The following RIMS3 variants were observed in gnomAD, a reference collection of about 807,000 sequenced individuals.
RIMS3 encodes the protein regulating synaptic membrane exocytosis 3, also known as regulating synaptic membrane exocytosis protein 3.
RIMS3 carries 15 observed loss-of-function variants against 29.2 expected under a neutral mutation model. That is an observed-to-expected ratio of 0.51 (90% confidence interval 0.34 to 0.79). The LOEUF is 0.79. RIMS3 is among the 30% of genes least tolerant of loss of function. The pLI is 0.01. For synonymous variants in RIMS3, 161 were observed against 170.1 expected (o/e 0.95, Z 0.41); for missense variants, 342 against 421.4 (o/e 0.81, Z 1.65).
upstream of RIMS3, among the ~76,000 whole-genome samples, chr1:40,669,825 T>G (rs1489283902): frequency 6.6e-6 from 1 of 152,208 alleles, no homozygotes; most frequent in Non-Finnish European, 1.5e-5. Flanking sequence ...GACAGCCTGC[T>G]CTGCCAACCC....
intron 1 of RIMS3, among the ~76,000 whole-genome samples, chr1:40,652,142 G>A (rs1646635881): frequency 6.6e-6 from 1 of 152,156 alleles, no homozygotes; most frequent in Non-Finnish European, 1.5e-5. Flanking sequence ...GATGTGGCTA[G>A]ATGTGGCACC....
the RIMS3 span, among the ~76,000 whole-genome samples, chr1:40,677,577 AGTCCCAGCTACT>A: frequency 2.0e-5 from 3 of 152,040 alleles, no homozygotes; most frequent in Non-Finnish European, 4.4e-5. Context: ...GGGCGCCCGT[AGTCCCAGCTACT>A]TGGGAGGCTG....
chr1:40,647,222 G>T (rs1646601964), intron 2 of RIMS3, among the ~76,000 whole-genome samples: 1 of 152,116 alleles, frequency 6.6e-6, no homozygotes, highest in African/African-American at 2.4e-5. Context: ...AAAAGCTCAA[G>T]ATGAACCTAG....
At chr1:40,663,836 C>A (rs1453547765) in intron 1 of RIMS3, among the ~76,000 whole-genome samples, 1 of 152,190 alleles carries the variant, frequency 6.6e-6, no homozygotes, top group Non-Finnish European at 1.5e-5. Context: ...GTACTTGGCA[C>A]AGGGGTTGCT....
At chr1:40,680,080 A>G in the RIMS3 span, among the ~76,000 whole-genome samples, 1 of 151,962 alleles carries the variant, frequency 6.6e-6, no homozygotes, top group Admixed American at 6.6e-5. Context: ...GGATCACTTG[A>G]GCCCAGGAGT....
At chr1:40,674,667 C>T in the RIMS3 span, among the ~76,000 whole-genome samples, 1 of 152,092 alleles carries the variant, frequency 6.6e-6, no homozygotes, top group African/African-American at 2.4e-5. Context: ...AGGATGCATT[C>T]AACCCCATTT....
At chr1:40,677,124 G>T in the RIMS3 span, among the ~76,000 whole-genome samples, 1 of 151,462 alleles carries the variant, frequency 6.6e-6, no homozygotes, top group Non-Finnish European at 1.5e-5. Flanking sequence ...TCAACAACCT[G>T]AATAGCTGGG....
At position 40,628,836 on chromosome 1, in the gene RIMS3, C is replaced by T. The variant is rs756093839; in HGVS notation, c.688G>A (p.Glu230Lys). 19 of 1,614,040 alleles carry T rather than the reference C, an allele frequency of 1.2e-5. No individual in the cohort carries two copies. The highest frequency in any genetic ancestry group is 1.7e-5 in the Admixed American group (1 of 60,002). Residue 230 changes from glutamate to lysine, a missense_variant, in exon 7 of 8, where the codon GAG becomes AAG. Physicochemically the swap from Glu to Lys is moderately conservative, Grantham distance 56. Transcript: ENST00000372684. ...PLYQQALLFD[E>K]GPQGKVLQVI... ...TGCAGCACCTTGCCCTGGGGTCCCT[C>T]GTCAAAGAGCAGAGCCTGCTGGTAC...
chr1:40,679,085 A>G, the RIMS3 span, among the ~76,000 whole-genome samples: 1 of 152,208 alleles, frequency 6.6e-6, no homozygotes. Flanking sequence ...TGCTTTTGCA[A>G]TTATGCTAAC....
At chr1:40,626,780 C>T (rs1194900178) in intron 7 of RIMS3, 51 bp from the exon 8 acceptor site, 1 of 1,565,554 alleles carries the variant, frequency 6.4e-7, no homozygotes, top group South Asian at 1.1e-5. Context: ...GACTCCAGGA[C>T]TGTGCAGCAG....
the RIMS3 span, chr1:40,690,594 T>C: frequency 9.2e-5 from 14 of 152,382 alleles, no homozygotes; most frequent in African/African-American, 3.4e-4. Flanking sequence ...TTAGGTTTTG[T>C]TCATTCATTC....
chr1:40,638,319 A>G (rs1046984382), intron 3 of RIMS3, among the ~76,000 whole-genome samples: 3 of 152,214 alleles, frequency 2.0e-5, no homozygotes, highest in Non-Finnish European at 4.4e-5. Flanking sequence ...AAGCTCTTGC[A>G]ATCTCAGAGA....
chr1:40,672,889 G>A, the RIMS3 span, among the ~76,000 whole-genome samples: 11 of 151,650 alleles, frequency 7.3e-5, 1 homozygote, highest in South Asian at 2.1e-3. Context: ...AAAAAAGGCC[G>A]GGCATGGTGG....
At chr1:40,674,574 C>G in the RIMS3 span, among the ~76,000 whole-genome samples, 2 of 152,168 alleles carry the variant, frequency 1.3e-5, no homozygotes, top group Non-Finnish European at 2.9e-5. Flanking sequence ...AGAGGAGGGA[C>G]CTTCAGGAGG....
Position 40,643,267 on chromosome 1 carries a change from G to C in RIMS3, c.-31-1311C>G, listed in dbSNP as rs180948188. The stretch of plus-strand genomic sequence containing the variant: ...CTGCCTCAGCCTCCCGAGTAGCTGG[G>C]ATTACAGGCGCCCGCCACCAAGCCT... On this transcript the variant is annotated intron_variant, in intron 2 of 7. Coordinates refer to ENST00000372684, the MANE Select transcript of RIMS3 (RefSeq NM_014747.3). Among the ~76,000 whole-genome samples, 7 of 152,082 alleles carry C rather than the reference G, an allele frequency of 4.6e-5. No homozygotes were observed. In the East Asian group the frequency reaches 1.4e-3, roughly 29 times the overall value.
intron 2 of RIMS3, among the ~76,000 whole-genome samples, chr1:40,646,914 T>G (rs1646599806): frequency 6.6e-6 from 1 of 150,482 alleles, no homozygotes; most frequent in African/African-American, 2.5e-5. Context: ...GGAGTCTTGC[T>G]CTGTCACCCA....
the RIMS3 span, chr1:40,690,912 A>G: frequency 1.3e-5 from 2 of 152,242 alleles, no homozygotes; most frequent in African/African-American, 4.8e-5. Flanking sequence ...TTTGATGACT[A>G]TACCTACAGG....
the RIMS3 span, among the ~76,000 whole-genome samples, chr1:40,677,021 TAG>T: frequency 1.3e-5 from 2 of 150,242 alleles, no homozygotes; most frequent in African/African-American, 4.9e-5. Flanking sequence ...TTTTTTGAGA[TAG>T]AGTCTCTCTC....
chr1:40,674,270 G>A, the RIMS3 span, among the ~76,000 whole-genome samples: 347 of 152,308 alleles, frequency 2.3e-3, 3 homozygotes, highest in Non-Finnish European at 1.6e-3. Flanking sequence ...GTTCTGGGCA[G>A]GAAATCTGGA....
Sources: allele counts gnomAD v4.1 joint callset (sites outside exome capture counted in the v4.1 genomes callset), GRCh38; gene constraint gnomAD v4.1.1; transcripts MANE v1.5; gene names NCBI Gene and HGNC (gene_info 2026-07-23, HGNC 2026-07-21).